The following RGS7 variants were observed in gnomAD, a reference collection of about 807,000 sequenced individuals.
RGS7 encodes the protein regulator of G-protein signaling 7.
A neutral mutation model predicts 81.1 loss-of-function variants in RGS7; 27 were observed. The ratio of observed to expected loss-of-function variants is 0.33; its 90% CI spans 0.25 to 0.46. The LOEUF is 0.46. Ranked by LOEUF, RGS7 falls within the 20% of genes least tolerant of loss-of-function variation. The pLI is 1.00. For synonymous variants in RGS7, 208 were observed against 207.7 expected (o/e 1.00, Z -0.01); for missense variants, 396 against 607.4 (o/e 0.65, Z 3.66).
At chr1:241,302,859 G>C (rs2079856350) in intron 2 of RGS7, among the ~76,000 whole-genome samples, 1 of 145,854 alleles carries the variant, frequency 6.9e-6, no homozygotes, top group Non-Finnish European at 1.5e-5. Context: ...CTAAAAGACA[G>C]GCATTCTTTT....
At chr1:240,883,471 T>C (rs1172434228) in intron 6 of RGS7, among the ~76,000 whole-genome samples, 1 of 152,212 alleles carries the variant, frequency 6.6e-6, no homozygotes, top group Non-Finnish European at 1.5e-5. Flanking sequence ...TTCCCAAATG[T>C]ACTTTCTTCA....
intron 9 of RGS7, among the ~76,000 whole-genome samples, chr1:240,858,249 A>C (rs1661517500): frequency 6.6e-6 from 1 of 152,240 alleles, no homozygotes; most frequent in South Asian, 2.1e-4. Flanking sequence ...CATTTGGGTA[A>C]ATACGAAGGA....
chr1:241,140,523 C>T (rs1260131756), intron 2 of RGS7, among the ~76,000 whole-genome samples: 1 of 152,168 alleles, frequency 6.6e-6, no homozygotes, highest in Non-Finnish European at 1.5e-5. Flanking sequence ...TCCGCCTTGG[C>T]CTGCTGAGTA....
At chr1:241,120,334 GTTGTAT>G (rs559051195) in intron 2 of RGS7, among the ~76,000 whole-genome samples, 1 of 152,094 alleles carries the variant, frequency 6.6e-6, no homozygotes, top group Non-Finnish European at 1.5e-5. Context: ...ATCAATTAAT[GTTGTAT>G]TTGTAATTTT....
intron 2 of RGS7, among the ~76,000 whole-genome samples, chr1:241,330,582 A>C (rs539107158): frequency 6.6e-6 from 1 of 152,180 alleles, no homozygotes; most frequent in Non-Finnish European, 1.5e-5. Flanking sequence ...TCTTGAAAAC[A>C]CTCATGCATT....
At chr1:240,963,317 G>A (rs547769981) in intron 4 of RGS7, among the ~76,000 whole-genome samples, 2 of 152,276 alleles carry the variant, frequency 1.3e-5, no homozygotes, top group South Asian at 4.1e-4. Flanking sequence ...TCAGAAGAGA[G>A]TCCAGAGGTA....
chr1:241,047,212 G>A (rs1412103006), intron 3 of RGS7, among the ~76,000 whole-genome samples: 2 of 152,112 alleles, frequency 1.3e-5, no homozygotes, highest in South Asian at 2.1e-4. Context: ...CAATGATGAA[G>A]CACAGCCCAG....
chr1:241,340,696 G>T (rs2148695617), intron 2 of RGS7, among the ~76,000 whole-genome samples: 1 of 151,570 alleles, frequency 6.6e-6, no homozygotes, highest in Non-Finnish European at 1.5e-5. Context: ...GGAAAGATAA[G>T]AATAAGCAAA....
intron 6 of RGS7, among the ~76,000 whole-genome samples, chr1:240,914,227 A>G (rs1672229922): frequency 6.6e-6 from 1 of 152,156 alleles, no homozygotes; most frequent in Non-Finnish European, 1.5e-5. Context: ...TTAACATGCT[A>G]ATTTTGTTCT....
chr1:241,263,285 A>AAT (rs1181628474), intron 2 of RGS7, among the ~76,000 whole-genome samples: 24 of 151,276 alleles, frequency 1.6e-4, no homozygotes, highest in Middle Eastern at 3.4e-3. Flanking sequence ...TCAAAAGAAA[A>AAT]ATATATATAT....
At chr1:241,031,312 T>A (rs2060075559) in intron 3 of RGS7, among the ~76,000 whole-genome samples, 1 of 152,214 alleles carries the variant, frequency 6.6e-6, no homozygotes, top group Non-Finnish European at 1.5e-5. Flanking sequence ...TATATATTTT[T>A]ATGGACCAGT....
intron 2 of RGS7, among the ~76,000 whole-genome samples, chr1:241,217,267 C>A (rs550969245): frequency 6.6e-6 from 1 of 152,218 alleles, no homozygotes; most frequent in South Asian, 2.1e-4. Flanking sequence ...CAGGAAGGGA[C>A]CCCCTCACCA....
At chr1:241,196,881 T>C (rs890886244) in intron 2 of RGS7, among the ~76,000 whole-genome samples, 2 of 151,734 alleles carry the variant, frequency 1.3e-5, no homozygotes, top group Non-Finnish European at 2.9e-5. Context: ...TGTATTATAT[T>C]TCATAAGCTA....
At chr1:240,782,525 C>T (rs1273376989) in intron 18 of RGS7, among the ~76,000 whole-genome samples, 1 of 152,122 alleles carries the variant, frequency 6.6e-6, no homozygotes, top group Non-Finnish European at 1.5e-5. Context: ...CAGGCTCAAG[C>T]GATCCTCCTG....
intron 3 of RGS7, among the ~76,000 whole-genome samples, chr1:241,074,831 G>A (rs555504868): frequency 2.6e-5 from 4 of 152,248 alleles, no homozygotes; most frequent in Admixed American, 2.6e-4. Flanking sequence ...CAGTATATGC[G>A]GTAGCTACAA....
chr1:240,796,630 G>A (rs1276135308), intron 18 of RGS7, among the ~76,000 whole-genome samples: 1 of 152,226 alleles, frequency 6.6e-6, no homozygotes, highest in African/African-American at 2.4e-5. Flanking sequence ...AGGTTGCAGT[G>A]AGCCGAGATC....
At chr1:241,207,443 G>A (rs1025928579) in intron 2 of RGS7, among the ~76,000 whole-genome samples, 3 of 151,252 alleles carry the variant, frequency 2.0e-5, no homozygotes, top group Non-Finnish European at 4.4e-5. Flanking sequence ...TATTCATTCA[G>A]TGAAGGTTTA....
intron 6 of RGS7, among the ~76,000 whole-genome samples, chr1:240,899,671 C>G (rs1431462741): frequency 1.3e-5 from 2 of 152,210 alleles, no homozygotes; most frequent in Admixed American, 6.5e-5. Context: ...GTCTGATGGG[C>G]TTCCCTTTGT....
chr1:240,810,085 TA>T (rs915823575), intron 14 of RGS7, among the ~76,000 whole-genome samples: 17 of 152,176 alleles, frequency 1.1e-4, no homozygotes, highest in African/African-American at 3.9e-4. Context: ...TTTGATGGTT[TA>T]TCTCCTCCCC....
Sources: allele counts gnomAD v4.1 joint callset (sites outside exome capture counted in the v4.1 genomes callset), GRCh38; gene constraint gnomAD v4.1.1; transcripts MANE v1.5; gene names NCBI Gene and HGNC (gene_info 2026-07-23, HGNC 2026-07-21).